DYNC2I2: variants seen among roughly 807,000 people sequenced by gnomAD.
DYNC2I2 encodes cytoplasmic dynein 2 intermediate chain 2.
A neutral mutation model predicts 52.0 loss-of-function variants in DYNC2I2; 39 were observed. That is an observed-to-expected ratio of 0.75 (90% confidence interval 0.58 to 0.98). The LOEUF is 0.98. Ranked by LOEUF, DYNC2I2 falls within the 50% of genes least tolerant of loss-of-function variation. DYNC2I2 has a pLI of 0.00. For missense variants in DYNC2I2, 743 were observed against 728.4 expected, an observed-to-expected ratio of 1.02 and a Z score of -0.23; for synonymous variants, 359 against 321.1, an observed-to-expected ratio of 1.12 and a Z score of -1.26.
At chr9:128,654,960 C>T (rs1428543403) in intron 1 of DYNC2I2, among the ~76,000 whole-genome samples, 2 of 152,070 alleles carry the variant, frequency 1.3e-5, no homozygotes. Context: ...AATGTTACAG[C>T]CGTTGCCACT....
At chr9:128,675,281 G>A in the DYNC2I2 span, among the ~76,000 whole-genome samples, 53 of 152,140 alleles carry the variant, frequency 3.5e-4, no homozygotes, top group African/African-American at 9.9e-4. Flanking sequence ...GGGTTCCAGC[G>A]ATTCTCCTGC....
At chr9:128,655,221 C>T (rs572803182) in intron 1 of DYNC2I2, among the ~76,000 whole-genome samples, 5 of 151,032 alleles carry the variant, frequency 3.3e-5, no homozygotes, top group Non-Finnish European at 7.4e-5. Flanking sequence ...TTAGCCTGGG[C>T]CGGCGCGGTG....
chr9:128,665,769 C>CAAAAA, the DYNC2I2 span, among the ~76,000 whole-genome samples: 2 of 72,170 alleles, frequency 2.8e-5, no homozygotes, highest in Admixed American at 1.7e-4. Flanking sequence ...GACTCTGTGT[C>CAAAAA]AAAAAAAAAA....
the DYNC2I2 span, among the ~76,000 whole-genome samples, chr9:128,670,559 A>C: frequency 1.3e-5 from 2 of 150,952 alleles, no homozygotes; most frequent in Non-Finnish European, 2.9e-5. Flanking sequence ...AACATGGTGA[A>C]ACTCCATCTC....
the DYNC2I2 span, among the ~76,000 whole-genome samples, chr9:128,675,348 T>G: frequency 6.6e-6 from 1 of 152,038 alleles, no homozygotes; most frequent in Non-Finnish European, 1.5e-5. Context: ...CAGCCAATTT[T>G]GTATTTTTAG....
chr9:128,653,396 G>T (rs1860756277), intron 1 of DYNC2I2, among the ~76,000 whole-genome samples: 1 of 150,404 alleles, frequency 6.6e-6, no homozygotes, highest in African/African-American at 2.5e-5. Flanking sequence ...TGGCCAATAT[G>T]GCGAAACCCC....
At position 128,636,951 on chromosome 9, in the gene DYNC2I2, G is replaced by T; in HGVS notation, c.512C>A (p.Ser171Tyr). The change falls in exon 3 of 9, where the codon TCC (serine) becomes TAC (tyrosine). Residue 171 changes from serine (S) to tyrosine (Y), a missense_variant. Transcript: ENST00000372715. ...GLHVTSISWN[S>Y]TGSVVACAYG... The stretch of plus-strand genomic sequence containing the variant: ...GGCACAGGCCACCACAGAGCCAGTG[G>T]AGTTCCAGGAGATGCTGGTCACATG... 6.2e-7 allele frequency: 1 copy of T among 1,613,244 alleles called. No homozygotes were observed.
the DYNC2I2 span, among the ~76,000 whole-genome samples, chr9:128,666,949 C>T: frequency 6.6e-6 from 1 of 151,758 alleles, no homozygotes; most frequent in South Asian, 2.1e-4. Flanking sequence ...TCCTGTAATT[C>T]CAGCACTTTG....
At chr9:128,666,895 T>C in the DYNC2I2 span, among the ~76,000 whole-genome samples, 1 of 151,978 alleles carries the variant, frequency 6.6e-6, no homozygotes, top group Non-Finnish European at 1.5e-5. Flanking sequence ...GGCAAAACCC[T>C]GTTGCTACGA....
the DYNC2I2 span, among the ~76,000 whole-genome samples, chr9:128,673,236 G>A: frequency 6.6e-6 from 1 of 152,082 alleles, no homozygotes; most frequent in Admixed American, 6.6e-5. Flanking sequence ...CAAAAATAAT[G>A]CAAGATTAAA....
At chr9:128,659,277 C>T (rs1860890033), upstream of DYNC2I2, among the ~76,000 whole-genome samples, 7 of 150,362 alleles carry the variant, frequency 4.7e-5, no homozygotes. Flanking sequence ...GGGCGGATCA[C>T]GAGGTCAGGA....
intron 1 of DYNC2I2, among the ~76,000 whole-genome samples, chr9:128,656,217 AAACAC>A (rs1411803920): frequency 6.6e-6 from 1 of 152,006 alleles, no homozygotes; most frequent in Non-Finnish European, 1.5e-5. Context: ...TCAAAAAAAA[AAACAC>A]AAAACAAAAC....
At chr9:128,642,825 G>T (rs1283973534) in intron 1 of DYNC2I2, among the ~76,000 whole-genome samples, 2 of 152,120 alleles carry the variant, frequency 1.3e-5, no homozygotes, top group Non-Finnish European at 2.9e-5. Context: ...CAGCAGAAAA[G>T]AAAATGTGCA....
At chr9:128,680,956 G>A in the DYNC2I2 span, among the ~76,000 whole-genome samples, 4 of 152,158 alleles carry the variant, frequency 2.6e-5, no homozygotes, top group African/African-American at 4.8e-5. Flanking sequence ...GATTACAGGC[G>A]TGAGCCGCCA....
At chr9:128,658,721 A>ATTTTTTTTTTTTTT (rs746310535), upstream of DYNC2I2, among the ~76,000 whole-genome samples, 1 of 91,552 alleles carries the variant, frequency 1.1e-5, no homozygotes. Context: ...ACCTGACCTA[A>ATTTTTTTTTTTTTT]TTTTTTTTTT....
intron 4 of DYNC2I2, 153 bp from the exon 5 acceptor site, chr9:128,635,920 AG>A: frequency 1.4e-6 from 1 of 730,016 alleles, no homozygotes; most frequent in Non-Finnish European, 2.3e-6. Flanking sequence ...GGAGAGTCCT[AG>A]CCCCCAGCTC....
the DYNC2I2 span, among the ~76,000 whole-genome samples, chr9:128,681,069 A>G: frequency 6.6e-6 from 1 of 152,092 alleles, no homozygotes; most frequent in Non-Finnish European, 1.5e-5. Context: ...CTGCATTCAC[A>G]TCATTCCGAG....
chr9:128,659,036 A>C (rs760990474), upstream of DYNC2I2, among the ~76,000 whole-genome samples: 1 of 151,740 alleles, frequency 6.6e-6, no homozygotes, highest in Non-Finnish European at 1.5e-5. Flanking sequence ...GCCAAAGCAG[A>C]TGGTATTTGA....
At chr9:128,641,026 C>T (rs1860506816) in intron 1 of DYNC2I2, 87 bp from the exon 2 acceptor site, 2 of 1,469,798 alleles carry the variant, frequency 1.4e-6, no homozygotes, top group Non-Finnish European at 1.8e-6. Context: ...CCTGCTTGAC[C>T]CCCTCCTTGC....
Sources: allele counts gnomAD v4.1 joint callset (sites outside exome capture counted in the v4.1 genomes callset), GRCh38; gene constraint gnomAD v4.1.1; transcripts MANE v1.5; gene names NCBI Gene and HGNC (gene_info 2026-07-23, HGNC 2026-07-21).